The following TDRD3 variants were observed in gnomAD, a reference collection of about 807,000 sequenced individuals.
TDRD3 encodes the protein tudor domain-containing protein 3.
A neutral mutation model predicts 86.7 loss-of-function variants in TDRD3; 45 were observed. The observed-to-expected ratio is 0.52, with a 90% CI of 0.41 to 0.67. TDRD3 has a LOEUF of 0.67. Ranked by LOEUF, TDRD3 falls within the 30% of genes least tolerant of loss-of-function variation. TDRD3 has a pLI of 0.00. For missense variants in TDRD3, 814 were observed against 889.0 expected, an observed-to-expected ratio of 0.92 and a Z score of 1.07; for synonymous variants, 298 against 301.7, an observed-to-expected ratio of 0.99 and a Z score of 0.13.
At chr13:60,409,133 G>C (rs1594897218) in intron 1 of TDRD3, among the ~76,000 whole-genome samples, 1 of 152,358 alleles carries the variant, frequency 6.6e-6, no homozygotes, top group Non-Finnish European at 1.5e-5. Context: ...GTGGTGTTGA[G>C]CCTGTGGGGG....
upstream of TDRD3, among the ~76,000 whole-genome samples, chr13:60,395,770 A>G (rs1953884267): frequency 1.3e-5 from 2 of 152,142 alleles, no homozygotes; most frequent in South Asian, 2.1e-4. Flanking sequence ...TTAAAATGGC[A>G]TATCTATTCC....
chr13:60,485,117 A>T (rs1861436920), intron 6 of TDRD3, among the ~76,000 whole-genome samples: 1 of 151,968 alleles, frequency 6.6e-6, no homozygotes, highest in African/African-American at 2.4e-5. Flanking sequence ...TATTACTGAA[A>T]TTTTTCTGTA....
chr13:60,519,645 G>A lies in TDRD3; in HGVS notation c.1142-8722G>A, dbSNP rs150747155. ...GGTTATTAATGATTTAATGCCAGTA[G>A]TATAATGGTAGCTTTGTTGAGGTTT... is the stretch of plus-strand genomic sequence containing the variant. On this transcript the variant is annotated intron_variant, in intron 10 of 13. Transcript: ENST00000377881. Among the ~76,000 whole-genome samples, 466 of 152,224 alleles carry A rather than the reference G, an allele frequency of 3.1e-3. 2 individuals are homozygous for A. The highest frequency in any genetic ancestry group is 0.011 in the African/African-American group (442 of 41,556).
intron 1 of TDRD3, among the ~76,000 whole-genome samples, chr13:60,438,100 T>C (rs1374562801): frequency 1.3e-5 from 2 of 152,142 alleles, no homozygotes; most frequent in Non-Finnish European, 2.9e-5. Flanking sequence ...GGTGTTTAGT[T>C]TTCATCATTT....
At chr13:60,517,433 T>C (rs1957198215) in intron 10 of TDRD3, among the ~76,000 whole-genome samples, 1 of 152,244 alleles carries the variant, frequency 6.6e-6, no homozygotes, top group Non-Finnish European at 1.5e-5. Flanking sequence ...TTATATCTTA[T>C]TGCATCAAAC....
At chr13:60,567,006 T>C (rs1365443121) in intron 12 of TDRD3, among the ~76,000 whole-genome samples, 1 of 152,230 alleles carries the variant, frequency 6.6e-6, no homozygotes, top group Non-Finnish European at 1.5e-5. Flanking sequence ...TCTCTAGATG[T>C]AAGGTTCTTA....
intron 3 of TDRD3, among the ~76,000 whole-genome samples, chr13:60,446,259 G>T (rs888179161): frequency 6.6e-6 from 1 of 151,952 alleles, no homozygotes. Context: ...GTCTTGCTCT[G>T]TTGCCCAGGC....
In TDRD3 at chr13:60,509,791, C is replaced by T. The variant is rs758407063; in HGVS notation, c.887C>T (p.Thr296Met). Reference sequence around the variant, plus strand: ...GATGAGAAAGCTCTGAAGCACATAACGGAAATGGGCTTCAGTAAGGAAGCA... The same window carrying T: ...GATGAGAAAGCTCTGAAGCACATAATGGAAATGGGCTTCAGTAAGGAAGCA... ...LVDEKALKHI[T>M]EMGFSKEASR... Residue 296 changes from threonine to methionine, a missense_variant, in exon 9 of 14, where the codon ACG becomes ATG. By Grantham distance (81) the Thr-to-Met change is moderately conservative. Transcript: ENST00000377881. 5.6e-5 allele frequency: 91 copies of T among 1,613,624 alleles called. No homozygotes were observed. The highest frequency in any genetic ancestry group is 1.5e-4 in the Admixed American group (9 of 59,994).
chr13:60,397,297 T>A lies in TDRD3; in HGVS notation c.-68T>A, dbSNP rs1457534744. The A allele has an allele frequency of 9.2e-5, 57 of 621,492 alleles. 4 individuals are homozygous for A. In the South Asian group the frequency reaches 1.9e-3, roughly 21 times the overall value. 38.5% of individuals were successfully genotyped at this position (621,492 alleles called of 1,614,324 possible). ...CTTTTTTTTTTTTTAAGGGGGGGGGTCTCAAGTAGGAGGCCTCCCCATCAC... is the reference window on the plus strand; with the variant it reads ...CTTTTTTTTTTTTTAAGGGGGGGGGACTCAAGTAGGAGGCCTCCCCATCAC... On this transcript the variant is annotated 5_prime_UTR_variant, in exon 1 of 14. Transcript: ENST00000377881.
At chr13:60,560,568 A>G (rs1958309527) in intron 12 of TDRD3, among the ~76,000 whole-genome samples, 1 of 96,400 alleles carries the variant, frequency 1.0e-5, no homozygotes, top group South Asian at 3.2e-4. Flanking sequence ...GTGATGTTAG[A>G]GGAAGGACAA....
intron 10 of TDRD3, among the ~76,000 whole-genome samples, chr13:60,515,024 C>G (rs1957139440): frequency 6.6e-6 from 1 of 152,174 alleles, no homozygotes; most frequent in African/African-American, 2.4e-5. Flanking sequence ...AAGAAGCTCA[C>G]TGTCTAGTGT....
intron 7 of TDRD3, among the ~76,000 whole-genome samples, chr13:60,493,271 TC>T (rs1364521275): frequency 1.3e-5 from 2 of 152,170 alleles, no homozygotes; most frequent in Non-Finnish European, 2.9e-5. Flanking sequence ...GTAAGATGTT[TC>T]CTTACTGTAA....
intron 4 of TDRD3, among the ~76,000 whole-genome samples, chr13:60,462,017 T>TC (rs1189992988): frequency 6.6e-6 from 1 of 152,198 alleles, no homozygotes; most frequent in Non-Finnish European, 1.5e-5. Context: ...TCTTCTTTCA[T>TC]CTGGTGTCTG....
chr13:60,433,106 CTT>C (rs1954996075), intron 1 of TDRD3, among the ~76,000 whole-genome samples: 1 of 152,116 alleles, frequency 6.6e-6, no homozygotes, highest in African/African-American at 2.4e-5. Flanking sequence ...ATTTTAAAGA[CTT>C]TTCATGTGTC....
chr13:60,407,407 T>A (rs1359900856), intron 1 of TDRD3, among the ~76,000 whole-genome samples: 1 of 152,226 alleles, frequency 6.6e-6, no homozygotes, highest in Non-Finnish European at 1.5e-5. Context: ...AAAATTGTTA[T>A]TTCTGAAATG....
rs138633350 is a variant in TDRD3 at position 60,541,146 on chromosome 13, A to ATTCTTTCT, written c.2118+5940_2118+5947dup. On this transcript the variant is annotated intron_variant, in intron 12 of 13. Coordinates refer to ENST00000377881, the MANE Select transcript of TDRD3 (RefSeq NM_001146070.2). Reference sequence around the variant, plus strand: ...TCTACAGCATTCTTTTTGTTTTTCTATTCTTTCTTTCTTTCTTTCTTTCTT... The same window carrying ATTCTTTCT: ...TCTACAGCATTCTTTTTGTTTTTCTATTCTTTCTTTCTTTCTTTCTTTCTTTCTTTCTT... Among the ~76,000 whole-genome samples the ATTCTTTCT allele has an allele frequency of 9.2e-3, 1,373 of 149,914 alleles. 29 individuals carry two copies. Among genetic ancestry groups the ATTCTTTCT allele is most frequent in the African/African-American group, 0.03 (1,221 of 40,594 alleles).
intron 9 of TDRD3, among the ~76,000 whole-genome samples, chr13:60,510,396 G>C (rs1483064549): frequency 6.6e-6 from 1 of 151,980 alleles, no homozygotes; most frequent in Non-Finnish European, 1.5e-5. Context: ...TTAAAAGTTA[G>C]TTTATATGAA....
chr13:60,461,271 A>G (rs962350059), intron 4 of TDRD3, among the ~76,000 whole-genome samples: 10 of 152,114 alleles, frequency 6.6e-5, no homozygotes, highest in Non-Finnish European at 1.3e-4. Flanking sequence ...AAATGATTGA[A>G]GTCAGGGAGG....
chr13:60,464,571 T>C (rs915255383), intron 4 of TDRD3, among the ~76,000 whole-genome samples: 2 of 148,090 alleles, frequency 1.4e-5, no homozygotes, highest in Admixed American at 6.6e-5. Context: ...TGTATACACA[T>C]ACACACACAC....
Sources: gnomAD v4.1 joint callset for allele counts (sites outside exome capture counted in the v4.1 genomes callset) on GRCh38, gnomAD v4.1.1 for gene constraint, MANE v1.5 for transcripts, NCBI Gene and HGNC (gene_info 2026-07-23, HGNC 2026-07-21) for gene names.